ZNF540: variants seen among roughly 807,000 people sequenced by gnomAD.
ZNF540 encodes zinc finger protein 540.
ZNF540 carries 3 observed loss-of-function variants against 11.8 expected under a neutral mutation model. The ratio of observed to expected loss-of-function variants is 0.25; its 90% CI spans 0.12 to 0.65. The LOEUF (loss-of-function observed/expected upper bound fraction) is 0.65. Among genes scored for constraint, ZNF540 ranks in the 30% least tolerant of loss-of-function variants. ZNF540 has a pLI of 0.83. For missense variants in ZNF540, 709 were observed against 793.1 expected, an observed-to-expected ratio of 0.89 and a Z score of 1.27; for synonymous variants, 247 against 259.0, an observed-to-expected ratio of 0.95 and a Z score of 0.45.
In ZNF540 at chr19:37,612,341, C is replaced by T; in HGVS notation, c.1061C>T (p.Pro354Leu). ...RHQKIHTGVKPYECKECGKTF... is the reference protein window; with the variant it reads ...RHQKIHTGVKLYECKECGKTF... ...CAGAAAATTCATACTGGTGTAAAAC[C>T]CTACGAATGTAAGGAATGTGGAAAG... The change falls in exon 5 of 5, where the codon CCC becomes CTC. Residue 354 changes from proline to leucine, a missense_variant. Pro to Leu is a moderately conservative substitution (Grantham distance 98). Transcript: ENST00000316433. 6.2e-7 allele frequency: 1 copy of T among 1,613,900 alleles called. No homozygotes were observed. The highest frequency in any genetic ancestry group is 1.7e-5 in the Admixed American group (1 of 59,996).
chr19:37,596,574 G>T (rs1174593837), intron 1 of ZNF540, among the ~76,000 whole-genome samples: 1 of 152,062 alleles, frequency 6.6e-6, no homozygotes, highest in Non-Finnish European at 1.5e-5. Flanking sequence ...ATTTATGTTT[G>T]TATCTAGCTT....
intron 1 of ZNF540, chr19:37,586,867 A>C: frequency 1.6e-6 from 1 of 626,740 alleles, no homozygotes; most frequent in East Asian, 2.8e-5. Flanking sequence ...TCTTCCACAA[A>C]CCCAATGGAA....
intron 3 of ZNF540, among the ~76,000 whole-genome samples, chr19:37,600,635 C>T (rs1416015362): frequency 1.3e-5 from 2 of 151,742 alleles, no homozygotes; most frequent in Non-Finnish European, 2.9e-5. Context: ...AAACTGAGGC[C>T]CAAATAATTT....
At chr19:37,558,855 G>C (rs1014880487) in intron 1 of ZNF540, among the ~76,000 whole-genome samples, 7 of 152,118 alleles carry the variant, frequency 4.6e-5, no homozygotes, top group South Asian at 2.1e-4. Flanking sequence ...GAGAGAGAGA[G>C]AGACAGAGAG....
At chr19:37,592,381 T>C (rs924219043), upstream of ZNF540, among the ~76,000 whole-genome samples, 3 of 152,220 alleles carry the variant, frequency 2.0e-5, no homozygotes, top group African/African-American at 7.2e-5. Flanking sequence ...TTTTCTCTAA[T>C]AGCCACCACT....
At chr19:37,604,572 G>T (rs2044068209) in intron 4 of ZNF540, among the ~76,000 whole-genome samples, 1 of 151,870 alleles carries the variant, frequency 6.6e-6, no homozygotes, top group Non-Finnish European at 1.5e-5. Flanking sequence ...CTCCCAAAGT[G>T]CTGGGATTAC....
chr19:37,600,389 AG>A (rs1162111531), intron 3 of ZNF540, among the ~76,000 whole-genome samples: 2 of 152,212 alleles, frequency 1.3e-5, no homozygotes, highest in Non-Finnish European at 2.9e-5. Flanking sequence ...AATTAGTTAA[AG>A]TAAAATAAAA....
Position 37,612,115 on chromosome 19 carries a change from G to T in ZNF540, c.835G>T (p.Gly279Cys), listed in dbSNP as rs201434984. The T allele has an allele frequency of 1.4e-5, 23 of 1,611,272 alleles. No individual in the cohort carries two copies. The highest frequency in any genetic ancestry group is 7.6e-6 in the Non-Finnish European group (9 of 1,179,620). ...CTATATGTGTAAGAAATGTGATAAGGGTTTTTTTAGTAGATTAGAACTTAC... is the reference window on the plus strand; with the variant it reads ...CTATATGTGTAAGAAATGTGATAAGTGTTTTTTTAGTAGATTAGAACTTAC... ...KPYMCKKCDKGFFSRLELTQH... is the reference protein window; with the variant it reads ...KPYMCKKCDKCFFSRLELTQH... Residue 279 changes from glycine to cysteine, a missense_variant, in exon 5 of 5, where the codon GGT becomes TGT. Transcript: ENST00000316433.
intron 1 of ZNF540, chr19:37,586,843 G>GA (rs1375254336): frequency 6.9e-6 from 5 of 729,858 alleles, no homozygotes; most frequent in Non-Finnish European, 1.1e-5. Context: ...TGGGAATTTG[G>GA]AAAAAATCTC....
At chr19:37,556,125 G>C in intron 1 of ZNF540, 1 of 702,666 alleles carries the variant, frequency 1.4e-6, no homozygotes. Context: ...TTTTGGGACC[G>C]GCAGATTGTG....
chr19:37,563,343 A>C (rs1176474220), intron 1 of ZNF540: 4 of 152,082 alleles, frequency 2.6e-5, no homozygotes, highest in African/African-American at 7.2e-5. Context: ...AAAAAAAAGA[A>C]AAAAAAGACA....
intron 1 of ZNF540, among the ~76,000 whole-genome samples, chr19:37,552,065 C>T (rs2042611840): frequency 6.6e-6 from 1 of 152,042 alleles, no homozygotes; most frequent in Non-Finnish European, 1.5e-5. Context: ...GCATACATTT[C>T]CCTCAAAGTG....
intron 3 of ZNF540, 122 bp from the exon 4 acceptor site, chr19:37,600,888 G>T: frequency 1.2e-6 from 1 of 807,118 alleles, no homozygotes; most frequent in East Asian, 2.8e-5. Context: ...AATCCTGTCA[G>T]TTTTTTCCGA....
chr19:37,599,130 C>T (rs1456254093), intron 2 of ZNF540, among the ~76,000 whole-genome samples: 2 of 152,036 alleles, frequency 1.3e-5, no homozygotes, highest in Non-Finnish European at 2.9e-5. Context: ...TGTACTCCAG[C>T]GTGGGCAACA....
At chr19:37,604,215 G>A (rs970167962) in intron 4 of ZNF540, among the ~76,000 whole-genome samples, 25 of 135,386 alleles carry the variant, frequency 1.8e-4, no homozygotes, top group African/African-American at 7.0e-4. Flanking sequence ...GAAATTAATA[G>A]TTTCCTTAAA....
intron 4 of ZNF540, among the ~76,000 whole-genome samples, chr19:37,610,595 A>C (rs1293133811): frequency 6.6e-6 from 1 of 152,218 alleles, no homozygotes; most frequent in Non-Finnish European, 1.5e-5. Flanking sequence ...GATTATTTTT[A>C]GGAGATGAAA....
Position 37,599,690 on chromosome 19 carries a change from C to CT in ZNF540, c.75dup (p.Thr26TyrfsTer15). The CT allele has an allele frequency of 6.2e-7, 1 of 1,613,658 alleles. No individual in the cohort carries two copies. The highest frequency in any genetic ancestry group is 1.1e-5 in the South Asian group (1 of 91,036). On this transcript the variant is annotated frameshift_variant, in exon 3 of 5. Coordinates refer to ENST00000316433, the MANE Select transcript of ZNF540 (RefSeq NM_001172225.3). LOFTEE classifies it high-confidence loss of function. ...CAGAAGGAATGGGAGTGCCTGGACACTACCCAGAGGAAATTGTACAGAGAT... is the reference window on the plus strand; with the variant it reads ...CAGAAGGAATGGGAGTGCCTGGACACTTACCCAGAGGAAATTGTACAGAGAT...
At chr19:37,604,294 TA>T (rs2044064139) in intron 4 of ZNF540, among the ~76,000 whole-genome samples, 2 of 133,388 alleles carry the variant, frequency 1.5e-5, no homozygotes, top group African/African-American at 5.7e-5. Flanking sequence ...AAAATAGCCT[TA>T]CTTTTTTTTT....
intron 1 of ZNF540, chr19:37,584,947 G>C (rs982383373): frequency 1.4e-5 from 2 of 144,720 alleles, no homozygotes; most frequent in Admixed American, 7.1e-5. Flanking sequence ...CTGGGCCACA[G>C]AGCGAGACTC....
Sources: gnomAD v4.1 joint callset for allele counts (sites outside exome capture counted in the v4.1 genomes callset) on GRCh38, gnomAD v4.1.1 for gene constraint, MANE v1.5 for transcripts, NCBI Gene and HGNC (gene_info 2026-07-23, HGNC 2026-07-21) for gene names.